SPATA13: variants seen among roughly 807,000 people sequenced by gnomAD.
The protein encoded by SPATA13 is spermatogenesis associated 13, also known as spermatogenesis-associated protein 13.
A neutral mutation model predicts 104.0 loss-of-function variants in SPATA13; 50 were observed. The ratio of observed to expected loss-of-function variants is 0.48; its 90% CI spans 0.38 to 0.61. The LOEUF (loss-of-function observed/expected upper bound fraction) is 0.61. SPATA13 is among the 20% of genes least tolerant of loss of function. The probability of loss-of-function intolerance (pLI) is 0.00; values close to 1 mark genes in which losing one functional copy is unlikely to be tolerated. For synonymous variants in SPATA13, 606 were observed against 667.5 expected (o/e 0.91, Z 1.42); for missense variants, 1,524 against 1,690.6 (o/e 0.90, Z 1.73).
At chr13:24,061,348 C>T (rs546767479) in intron 3 of SPATA13, among the ~76,000 whole-genome samples, 1 of 152,262 alleles carries the variant, frequency 6.6e-6, no homozygotes, top group East Asian at 1.9e-4. Context: ...CCATTTGACC[C>T]AATAATCCCA....
intron 2 of SPATA13, among the ~76,000 whole-genome samples, chr13:23,992,633 C>T (rs913342130): frequency 3.9e-5 from 6 of 152,250 alleles, no homozygotes; most frequent in East Asian, 1.9e-4. Context: ...GGTCAATTTC[C>T]GGGACTCTCT....
intron 1 of SPATA13, among the ~76,000 whole-genome samples, chr13:24,213,940 T>G (rs575073423): frequency 6.6e-6 from 1 of 152,382 alleles, no homozygotes; most frequent in South Asian, 2.1e-4. Flanking sequence ...TCTGAAGGCA[T>G]GTATGATCCA....
chr13:24,283,907 G>C (rs1875727272), intron 4 of SPATA13, among the ~76,000 whole-genome samples: 1 of 152,094 alleles, frequency 6.6e-6, no homozygotes, highest in Non-Finnish European at 1.5e-5. Context: ...TCTGCAAATG[G>C]TATTGTGTTG....
intron 2 of SPATA13, among the ~76,000 whole-genome samples, chr13:23,992,965 G>T (rs944613445): frequency 6.6e-6 from 1 of 152,206 alleles, no homozygotes; most frequent in Non-Finnish European, 1.5e-5. Flanking sequence ...TTTCCATCAA[G>T]CCAGCTGTGC....
At chr13:24,106,871 C>T (rs1438680267) in intron 3 of SPATA13, among the ~76,000 whole-genome samples, 1 of 152,094 alleles carries the variant, frequency 6.6e-6, no homozygotes, top group African/African-American at 2.4e-5. Context: ...CTAGATAAAG[C>T]AGATCGAGTG....
intron 1 of SPATA13, among the ~76,000 whole-genome samples, chr13:24,196,340 T>A (rs1337898300): frequency 6.6e-6 from 1 of 152,214 alleles, no homozygotes; most frequent in East Asian, 1.9e-4. Flanking sequence ...TCACATGAAT[T>A]TACAGTGTTT....
At chr13:24,027,893 T>C (rs1269226949) in intron 3 of SPATA13, among the ~76,000 whole-genome samples, 2 of 152,224 alleles carry the variant, frequency 1.3e-5, no homozygotes, top group African/African-American at 4.8e-5. Context: ...TTATGCTCTT[T>C]ACTCTTCCTC....
At chr13:24,277,443 C>CAAAA (rs751513515) in intron 4 of SPATA13, among the ~76,000 whole-genome samples, 5 of 50,674 alleles carry the variant, frequency 9.9e-5, no homozygotes, top group African/African-American at 1.5e-4. Flanking sequence ...GACTCCGTCT[C>CAAAA]AAAAAAAAAA....
At chr13:24,126,405 C>T (rs1035679408) in intron 3 of SPATA13, among the ~76,000 whole-genome samples, 5 of 152,206 alleles carry the variant, frequency 3.3e-5, no homozygotes, top group Non-Finnish European at 5.9e-5. Flanking sequence ...TGACAGATTG[C>T]TCCTCAGTAG....
At chr13:24,189,535 T>C (rs1869384168) in intron 1 of SPATA13, among the ~76,000 whole-genome samples, 1 of 135,842 alleles carries the variant, frequency 7.4e-6, no homozygotes, top group South Asian at 2.1e-4. Flanking sequence ...TGCATACATA[T>C]TTATATTTAA....
intron 4 of SPATA13, among the ~76,000 whole-genome samples, chr13:24,266,818 G>A (rs928214242): frequency 6.6e-6 from 1 of 151,088 alleles, no homozygotes; most frequent in Non-Finnish European, 1.5e-5. Flanking sequence ...CCAAGTCAGG[G>A]CTTCCCTCTG....
intron 4 of SPATA13, among the ~76,000 whole-genome samples, chr13:24,271,789 A>G (rs1874629712): frequency 6.6e-6 from 1 of 152,166 alleles, no homozygotes; most frequent in Non-Finnish European, 1.5e-5. Context: ...TGGCAGCTCG[A>G]GGCAGCCTGG....
chr13:23,986,915 G>A (rs1875173642), intron 2 of SPATA13, among the ~76,000 whole-genome samples: 1 of 152,030 alleles, frequency 6.6e-6, no homozygotes, highest in South Asian at 2.1e-4. Flanking sequence ...AGCATATTGA[G>A]AGTGAAGCAC....
In SPATA13 at chr13:24,123,128, G is replaced by C. The variant is rs1287289113; in HGVS notation, c.-111-99691G>C. 4.8e-6 allele frequency: 5 copies of C among 1,032,006 alleles called. No homozygotes were observed. The Admixed American group carries it at 8.4e-5, about 17-fold the overall frequency. The allele number at this position is 1,032,006 out of a possible 1,614,324, so 63.9% of individuals were successfully genotyped here. On this transcript the variant is annotated intron_variant, in intron 3 of 14. Coordinates refer to the SPATA13 transcript ENST00000424834. ...TCATTTTCTGAATTGCATGGGTAAG[G>C]TCATCATTTTCTGTTTCTCTGATAA... is the stretch of plus-strand genomic sequence containing the variant.
At chr13:24,246,808 A>G (rs1283587198) in intron 2 of SPATA13, among the ~76,000 whole-genome samples, 2 of 151,748 alleles carry the variant, frequency 1.3e-5, no homozygotes, top group Non-Finnish European at 2.9e-5. Context: ...GGTTGCGGTG[A>G]GCCGAGATCA....
At chr13:24,210,259 GA>G (rs1870938651) in intron 1 of SPATA13, among the ~76,000 whole-genome samples, 1 of 152,070 alleles carries the variant, frequency 6.6e-6, no homozygotes, top group African/African-American at 2.4e-5. Context: ...CTTTTGCTAT[GA>G]AAAGCCTTTT....
intron 2 of SPATA13, among the ~76,000 whole-genome samples, chr13:24,237,406 C>A (rs1180549758): frequency 6.6e-6 from 1 of 152,024 alleles, no homozygotes; most frequent in African/African-American, 2.4e-5. Context: ...CATGGCTGAA[C>A]CTTGAGGACA....
At chr13:24,160,314 C>T (rs1310790013), upstream of SPATA13, among the ~76,000 whole-genome samples, 1 of 152,086 alleles carries the variant, frequency 6.6e-6, no homozygotes, top group East Asian at 1.9e-4. Context: ...GGCGCGATCT[C>T]GGCACACTGC....
At chr13:24,058,803 A>T (rs1282487061) in intron 3 of SPATA13, among the ~76,000 whole-genome samples, 2 of 151,790 alleles carry the variant, frequency 1.3e-5, no homozygotes, top group Non-Finnish European at 2.9e-5. Flanking sequence ...AGCAAGATTT[A>T]TGTTTACACA....
Sources: gnomAD v4.1 joint callset for allele counts (sites outside exome capture counted in the v4.1 genomes callset) on GRCh38, gnomAD v4.1.1 for gene constraint, MANE v1.5 for transcripts, NCBI Gene and HGNC (gene_info 2026-07-23, HGNC 2026-07-21) for gene names.